Variants in ACACA observed in about 807,000 individuals in gnomAD.
The protein encoded by ACACA is acetyl-CoA carboxylase 1.
In ACACA, 103 loss-of-function variants were observed where a neutral mutation model predicts 296.1. That is an observed-to-expected ratio of 0.35 (90% CI 0.30 to 0.41). The LOEUF is 0.41. ACACA is among the 10% of genes least tolerant of loss of function. The pLI is 1.00. For missense variants in ACACA, 1,554 were observed against 2,989.7 expected (o/e 0.52, Z 11.20); for synonymous variants, 953 against 1,038.6 (o/e 0.92, Z 1.58).
chr17:37,177,434 T>G (rs1400767265), intron 41 of ACACA, among the ~76,000 whole-genome samples: 3 of 152,076 alleles, frequency 2.0e-5, no homozygotes, highest in African/African-American at 4.8e-5. Context: ...CCTCTGGGAC[T>G]TCACTATTCC....
chr17:37,346,294 C>T (rs1275215253), intron 1 of ACACA, among the ~76,000 whole-genome samples: 1 of 139,072 alleles, frequency 7.2e-6, no homozygotes, highest in Non-Finnish European at 1.6e-5. Context: ...TCCAGCCTGA[C>T]CAACAGAGCA....
intron 16 of ACACA, among the ~76,000 whole-genome samples, chr17:37,251,102 T>C (rs2080971646): frequency 6.6e-6 from 1 of 152,004 alleles, no homozygotes; most frequent in South Asian, 2.1e-4. Flanking sequence ...GGGGGGCTTG[T>C]AGAGGAAAAT....
intron 5 of ACACA, among the ~76,000 whole-genome samples, chr17:37,280,735 A>ACACC (rs2082477521): frequency 6.7e-6 from 1 of 150,010 alleles, no homozygotes; most frequent in African/African-American, 2.5e-5. Context: ...TAGTTAACAC[A>ACACC]CACACACACA....
chr17:37,291,417 C>T (rs1482457764), intron 3 of ACACA, among the ~76,000 whole-genome samples: 2 of 152,114 alleles, frequency 1.3e-5, no homozygotes, highest in African/African-American at 4.8e-5. Context: ...CTCAGGTGAT[C>T]CACCCGCCTC....
chr17:37,095,417 T>A (rs1357201315), intron 54 of ACACA, among the ~76,000 whole-genome samples: 1 of 152,144 alleles, frequency 6.6e-6, no homozygotes, highest in Non-Finnish European at 1.5e-5. Context: ...CAAAGAAGCT[T>A]TTCAGTCATA....
intron 1 of ACACA, chr17:37,379,020 C>T (rs2050127851): frequency 8.0e-7 from 1 of 1,249,056 alleles, no homozygotes. Flanking sequence ...TGGAGTGAGC[C>T]ATGATTGCGA....
intron 10 of ACACA, 99 bp downstream of exon 10, chr17:37,270,652 A>C: frequency 1.1e-6 from 1 of 932,632 alleles, no homozygotes; most frequent in Non-Finnish European, 1.7e-6. Context: ...AAAATTAAAA[A>C]TTAAATATTT....
At chr17:37,209,876 G>A (rs1306286123) in intron 30 of ACACA, among the ~76,000 whole-genome samples, 1 of 152,038 alleles carries the variant, frequency 6.6e-6, no homozygotes, top group African/African-American at 2.4e-5. Context: ...ATATTAGCCT[G>A]GAAACCTCCA....
chr17:37,262,999 G>A (rs1301399082), intron 11 of ACACA, among the ~76,000 whole-genome samples: 1 of 152,190 alleles, frequency 6.6e-6, no homozygotes, highest in African/African-American at 2.4e-5. Flanking sequence ...CAAAGTGCTA[G>A]GATTACAGGC....
chr17:37,187,925 G>A (rs9910582), intron 39 of ACACA, among the ~76,000 whole-genome samples: 1,523 of 152,182 alleles, frequency 0.01, 24 homozygotes, highest in African/African-American at 0.035. Flanking sequence ...TGGTGAAAAC[G>A]GAAAGGACGC....
chr17:37,099,498 G>A (rs1248571044), intron 52 of ACACA, among the ~76,000 whole-genome samples: 1 of 149,566 alleles, frequency 6.7e-6, no homozygotes, highest in Non-Finnish European at 1.5e-5. Context: ...AGGGCTGATG[G>A]GAGGAGGGCT....
intron 45 of ACACA, chr17:37,141,009 C>T: frequency 2.5e-6 from 1 of 404,508 alleles, no homozygotes; most frequent in South Asian, 2.0e-5. Flanking sequence ...AGAGCTTGGC[C>T]AGGATGATGG....
At chr17:37,116,481 G>A (rs2143004031) in intron 50 of ACACA, among the ~76,000 whole-genome samples, 1 of 152,294 alleles carries the variant, frequency 6.6e-6, no homozygotes, top group Admixed American at 6.5e-5. Context: ...ACCAGCCTGT[G>A]TGAGGCTTGG....
chr17:37,379,988 C>T lies in ACACA; in HGVS notation c.38+26274G>A, dbSNP rs751186614. On this transcript the variant is annotated intron_variant, in intron 1 of 55. Coordinates refer to ENST00000616317, the MANE Select transcript of ACACA (RefSeq NM_198834.3). ...GACACATGCACACGTATGTTTACTG[C>T]GGCACTATTCACAATAGCAAAGACT... 1.6e-3 allele frequency among the ~76,000 whole-genome samples: 242 copies of T among 150,302 alleles called. 1 individual carries two copies. Among genetic ancestry groups the T allele is most frequent in the Non-Finnish European group, 2.3e-3 (155 of 67,674 alleles).
intron 29 of ACACA, among the ~76,000 whole-genome samples, chr17:37,214,082 G>C (rs982594380): frequency 5.3e-5 from 8 of 152,152 alleles, no homozygotes; most frequent in African/African-American, 1.7e-4. Flanking sequence ...CCAGTATAGG[G>C]CAACTCTTTT....
At chr17:37,228,217 T>C (rs942294831) in intron 25 of ACACA, among the ~76,000 whole-genome samples, 2 of 149,530 alleles carry the variant, frequency 1.3e-5, no homozygotes, top group Non-Finnish European at 3.0e-5. Context: ...TTTTTTTTTT[T>C]TTTTTTTTTT....
chr17:37,359,756 G>C (rs1252660469), intron 1 of ACACA, among the ~76,000 whole-genome samples: 1 of 152,110 alleles, frequency 6.6e-6, no homozygotes, highest in Non-Finnish European at 1.5e-5. Flanking sequence ...CATCACGCTG[G>C]CTGGTTTCCA....
intron 5 of ACACA, among the ~76,000 whole-genome samples, chr17:37,281,557 G>C (rs1416201268): frequency 6.6e-6 from 1 of 152,134 alleles, no homozygotes; most frequent in Non-Finnish European, 1.5e-5. Context: ...TGGAGTACCA[G>C]GTAGAAATGA....
At chr17:37,356,630 G>A (rs1597696586) in intron 1 of ACACA, among the ~76,000 whole-genome samples, 2 of 151,972 alleles carry the variant, frequency 1.3e-5, no homozygotes, top group African/African-American at 4.8e-5. Context: ...CGCCAGCCTC[G>A]ACCTCTCAAA....
Sources: allele counts gnomAD v4.1 joint callset (sites outside exome capture counted in the v4.1 genomes callset), GRCh38; gene constraint gnomAD v4.1.1; transcripts MANE v1.5; gene names NCBI Gene and HGNC (gene_info 2026-07-23, HGNC 2026-07-21).